DGKB: variants seen among roughly 807,000 people sequenced by gnomAD.
The protein encoded by DGKB is diacylglycerol kinase beta.
DGKB carries 67 observed loss-of-function variants against 114.3 expected under a neutral mutation model. That is an observed-to-expected ratio of 0.59 (90% confidence interval 0.48 to 0.72). The LOEUF is 0.72. DGKB is among the 30% of genes least tolerant of loss of function. The pLI, the probability that DGKB is intolerant of heterozygous loss-of-function variation, is 0.00. For synonymous variants in DGKB, 398 were observed against 323.1 expected, an observed-to-expected ratio of 1.23 and a Z score of -2.49; for missense variants, 907 against 975.2, an observed-to-expected ratio of 0.93 and a Z score of 0.93.
chr7:14,553,913 C>T (rs529838533), intron 20 of DGKB, among the ~76,000 whole-genome samples: 160 of 122,264 alleles, frequency 1.3e-3, no homozygotes, highest in Middle Eastern at 6.1e-3. Flanking sequence ...CGCTCTGTCG[C>T]CCAGGCTGGA....
At chr7:14,864,734 G>A (rs1294859159) in intron 1 of DGKB, among the ~76,000 whole-genome samples, 1 of 151,368 alleles carries the variant, frequency 6.6e-6, no homozygotes, top group Non-Finnish European at 1.5e-5. Flanking sequence ...CAGTCGGGGT[G>A]TTACAAGCCA....
At chr7:14,927,116 C>A (rs938289741) in intron 1 of DGKB, among the ~76,000 whole-genome samples, 4 of 151,624 alleles carry the variant, frequency 2.6e-5, no homozygotes, top group African/African-American at 9.7e-5. Context: ...CCATGTTTCT[C>A]GGAGTTTCTT....
chr7:14,789,438 C>T (rs979891736), intron 2 of DGKB, among the ~76,000 whole-genome samples: 17 of 152,078 alleles, frequency 1.1e-4, no homozygotes, highest in Admixed American at 2.0e-4. Flanking sequence ...CATTTTTTAT[C>T]ACTGAATACT....
intron 2 of DGKB, among the ~76,000 whole-genome samples, chr7:14,828,286 T>C (rs1209549916): frequency 6.6e-6 from 1 of 152,074 alleles, no homozygotes; most frequent in Non-Finnish European, 1.5e-5. Context: ...CTCCAAGATG[T>C]CTGAGCATCC....
At chr7:14,660,248 C>A (rs368155700) in intron 13 of DGKB, among the ~76,000 whole-genome samples, 1 of 151,848 alleles carries the variant, frequency 6.6e-6, no homozygotes, top group Non-Finnish European at 1.5e-5. Context: ...CTGGCCTCAT[C>A]AAATGAGTTA....
chr7:14,329,535 G>A (rs12672318), intron 23 of DGKB, among the ~76,000 whole-genome samples: 36,973 of 151,632 alleles, frequency 0.24, 5,139 homozygotes, highest in South Asian at 0.37. Flanking sequence ...AAGTAACTGT[G>A]ACTTCTGTTT....
At chr7:14,152,806 T>C (rs1303719931) in intron 25 of DGKB, among the ~76,000 whole-genome samples, 1 of 152,126 alleles carries the variant, frequency 6.6e-6, no homozygotes, top group East Asian at 1.9e-4. Flanking sequence ...ATAGTTGTGA[T>C]AGTTCCACCT....
In DGKB at chr7:14,576,048, C is replaced by T. The variant is rs182277350; in HGVS notation, c.1610-1676G>A. Among the ~76,000 whole-genome samples, 538 of 152,248 alleles carry T rather than the reference C, an allele frequency of 3.5e-3. 2 individuals carry two copies. The highest frequency in any genetic ancestry group is 0.013 in the African/African-American group (524 of 41,546). On this transcript the variant is annotated intron_variant, in intron 19 of 25. Coordinates refer to ENST00000402815, the MANE Select transcript of DGKB (RefSeq NM_001350709.2). ...AGGTTTAAAAAGTAATTACTCGCTA[C>T]TTAATACATACAGTAAAGGGTACAA... is the stretch of plus-strand genomic sequence containing the variant.
At chr7:14,685,213 A>AGAT (rs1821475577) in intron 10 of DGKB, 32 bp downstream of exon 10, 2 of 1,404,310 alleles carry the variant, frequency 1.4e-6, no homozygotes, top group Non-Finnish European at 2.0e-6. Flanking sequence ...TCACTTGAGG[A>AGAT]GATGATGTCC....
intron 23 of DGKB, among the ~76,000 whole-genome samples, chr7:14,210,926 CT>C (rs1488498556): frequency 9.9e-5 from 15 of 152,036 alleles, no homozygotes; most frequent in Non-Finnish European, 2.1e-4. Flanking sequence ...TTTGCATGCA[CT>C]CCCCCTCTCC....
chr7:14,756,074 C>T (rs1390833526), intron 3 of DGKB, among the ~76,000 whole-genome samples: 2 of 151,896 alleles, frequency 1.3e-5, no homozygotes, highest in African/African-American at 4.8e-5. Context: ...AAGACTAAGT[C>T]TTGAGAGTCC....
At chr7:14,566,763 A>C (rs1375186631) in intron 20 of DGKB, among the ~76,000 whole-genome samples, 1 of 152,004 alleles carries the variant, frequency 6.6e-6, no homozygotes, top group East Asian at 1.9e-4. Flanking sequence ...CTTTGAAGGC[A>C]CTAAGCTCTT....
intron 1 of DGKB, among the ~76,000 whole-genome samples, chr7:14,938,884 T>C (rs900379789): frequency 2.6e-5 from 4 of 152,166 alleles, no homozygotes; most frequent in African/African-American, 9.6e-5. Flanking sequence ...GGTCCTACCA[T>C]GTAATTAATA....
intron 2 of DGKB, among the ~76,000 whole-genome samples, chr7:14,758,911 A>AGAT (rs1221877325): frequency 1.3e-5 from 2 of 148,534 alleles, no homozygotes; most frequent in Non-Finnish European, 2.9e-5. Flanking sequence ...ATAGATAGAT[A>AGAT]GATAGATAGA....
chr7:14,864,603 G>T (rs1851449733), intron 1 of DGKB, among the ~76,000 whole-genome samples: 1 of 152,146 alleles, frequency 6.6e-6, no homozygotes, highest in Non-Finnish European at 1.5e-5. Flanking sequence ...GGAAACAATT[G>T]ATTCCGGGCT....
At chr7:14,809,302 G>C (rs563782481) in intron 2 of DGKB, among the ~76,000 whole-genome samples, 1 of 152,142 alleles carries the variant, frequency 6.6e-6, no homozygotes, top group African/African-American at 2.4e-5. Flanking sequence ...TCCTGCTATA[G>C]TCCTAGTGCT....
intron 23 of DGKB, among the ~76,000 whole-genome samples, chr7:14,183,892 C>T (rs1398677772): frequency 6.6e-6 from 1 of 152,294 alleles, no homozygotes; most frequent in South Asian, 2.1e-4. Flanking sequence ...CCAGCAATCT[C>T]GAGAGGACAC....
chr7:14,842,698 T>G (rs985238246), intron 1 of DGKB, among the ~76,000 whole-genome samples: 2 of 152,192 alleles, frequency 1.3e-5, no homozygotes, highest in Admixed American at 1.3e-4. Context: ...AAATGATGTG[T>G]TCTGTCCTCC....
At chr7:14,348,655 G>A (rs917331448) in intron 21 of DGKB, among the ~76,000 whole-genome samples, 2 of 151,814 alleles carry the variant, frequency 1.3e-5, no homozygotes, top group African/African-American at 4.8e-5. Flanking sequence ...GTACCTCAAT[G>A]AAGCTGAACA....
Sources: allele counts gnomAD v4.1 joint callset (sites outside exome capture counted in the v4.1 genomes callset), GRCh38; gene constraint gnomAD v4.1.1; transcripts MANE v1.5; gene names NCBI Gene and HGNC (gene_info 2026-07-23, HGNC 2026-07-21).